CSMD1: variants seen among roughly 807,000 people sequenced by gnomAD.
CSMD1 encodes the protein CUB and sushi domain-containing protein 1.
In CSMD1, 213 loss-of-function variants were observed where a neutral mutation model predicts 417.5. The ratio of observed to expected loss-of-function variants is 0.51; its 90% CI spans 0.46 to 0.57. CSMD1 has a LOEUF of 0.57. CSMD1 is among the 20% of genes least tolerant of loss of function. The pLI, the probability that CSMD1 is intolerant of heterozygous loss-of-function variation, is 0.00. For synonymous variants in CSMD1, 2,862 were observed against 1,736.8 expected (o/e 1.65, Z -16.11); for missense variants, 6,923 against 4,529.7 (o/e 1.53, Z -15.17).
At chr8:4,097,091 G>C (rs917711594) in intron 3 of CSMD1, among the ~76,000 whole-genome samples, 5 of 152,084 alleles carry the variant, frequency 3.3e-5, no homozygotes, top group Non-Finnish European at 7.4e-5. Flanking sequence ...ACTACAAAAA[G>C]AAGCACGGCT....
intron 1 of CSMD1, among the ~76,000 whole-genome samples, chr8:4,977,429 G>C (rs1055556538): frequency 6.6e-6 from 1 of 152,152 alleles, no homozygotes; most frequent in Non-Finnish European, 1.5e-5. Context: ...TGTGTGTGAG[G>C]GGTGGGTGCA....
At chr8:4,752,928 G>A (rs1239847377) in intron 1 of CSMD1, among the ~76,000 whole-genome samples, 1 of 152,176 alleles carries the variant, frequency 6.6e-6, no homozygotes, top group East Asian at 1.9e-4. Flanking sequence ...GGGCTTCCCA[G>A]TGGCGTGATG....
intron 5 of CSMD1, among the ~76,000 whole-genome samples, chr8:3,801,393 T>C (rs1023180069): frequency 6.6e-6 from 1 of 152,082 alleles, no homozygotes; most frequent in Non-Finnish European, 1.5e-5. Context: ...AGAAATTAAA[T>C]TTAAAACCAC....
At chr8:4,958,560 T>C (rs942089302) in intron 1 of CSMD1, among the ~76,000 whole-genome samples, 1 of 152,194 alleles carries the variant, frequency 6.6e-6, no homozygotes, top group Non-Finnish European at 1.5e-5. Context: ...TTGAAATGAA[T>C]AGAAATTCTG....
chr8:4,194,680 G>A (rs1193579835), intron 3 of CSMD1, among the ~76,000 whole-genome samples: 3 of 152,070 alleles, frequency 2.0e-5, no homozygotes, highest in Non-Finnish European at 2.9e-5. Context: ...TGGGGAAAAG[G>A]ATCATACAAC....
At chr8:4,808,312 G>A (rs1001441632) in intron 1 of CSMD1, among the ~76,000 whole-genome samples, 11 of 152,148 alleles carry the variant, frequency 7.2e-5, no homozygotes, top group Non-Finnish European at 1.6e-4. Flanking sequence ...TAAAGAAAGT[G>A]TGTAAATCTA....
chr8:4,623,948 T>C (rs1489449971), intron 2 of CSMD1, among the ~76,000 whole-genome samples: 2 of 152,054 alleles, frequency 1.3e-5, no homozygotes, highest in African/African-American at 4.8e-5. Flanking sequence ...ATAAATCTCA[T>C]CCAATTTAAA....
At chr8:4,031,504 C>T (rs1284475980) in intron 4 of CSMD1, among the ~76,000 whole-genome samples, 3 of 152,106 alleles carry the variant, frequency 2.0e-5, no homozygotes, top group Non-Finnish European at 2.9e-5. Context: ...TTACCTTCTA[C>T]CAGGTTCCTC....
chr8:3,985,158 C>T (rs1417092799), intron 5 of CSMD1, among the ~76,000 whole-genome samples: 4 of 152,046 alleles, frequency 2.6e-5, no homozygotes, highest in Non-Finnish European at 5.9e-5. Context: ...TGATGGATGC[C>T]AGCTGAGCCT....
At chr8:3,973,671 T>G (rs1192392287) in intron 5 of CSMD1, among the ~76,000 whole-genome samples, 3 of 152,216 alleles carry the variant, frequency 2.0e-5, no homozygotes, top group Non-Finnish European at 2.9e-5. Context: ...CACAGTATCC[T>G]TGGTACTGGC....
chr8:3,940,052 G>A (rs1810770429), intron 5 of CSMD1, among the ~76,000 whole-genome samples: 2 of 152,098 alleles, frequency 1.3e-5, no homozygotes, highest in South Asian at 2.1e-4. Context: ...TACTGAAGAT[G>A]TGTAGATTTA....
chr8:4,819,265 C>CA (rs1799383820), intron 1 of CSMD1, among the ~76,000 whole-genome samples: 1 of 152,056 alleles, frequency 6.6e-6, no homozygotes, highest in Non-Finnish European at 1.5e-5. Context: ...TTAACAAAAA[C>CA]AAAACCTCAT....
At chr8:4,301,617 T>A (rs1797986126) in intron 3 of CSMD1, among the ~76,000 whole-genome samples, 1 of 152,230 alleles carries the variant, frequency 6.6e-6, no homozygotes, top group Admixed American at 6.5e-5. Context: ...GAACCAGTCA[T>A]CATGTCTGTG....
At chr8:3,809,364 T>G (rs1475280050) in intron 5 of CSMD1, among the ~76,000 whole-genome samples, 1 of 152,226 alleles carries the variant, frequency 6.6e-6, no homozygotes, top group Non-Finnish European at 1.5e-5. Flanking sequence ...TGTTTATCAC[T>G]GTTCTACTCA....
chr8:4,666,387 CATG>C (rs1275145048), intron 1 of CSMD1, among the ~76,000 whole-genome samples: 1 of 152,052 alleles, frequency 6.6e-6, no homozygotes, highest in Non-Finnish European at 1.5e-5. Flanking sequence ...AGTGAGTCAA[CATG>C]ATAAGGACTC....
intron 2 of CSMD1, among the ~76,000 whole-genome samples, chr8:4,547,264 T>C (rs560210088): frequency 3.3e-4 from 51 of 152,366 alleles, no homozygotes; most frequent in African/African-American, 1.2e-3. Flanking sequence ...AGTCTGGGTG[T>C]TGCCATCTTT....
At chr8:4,848,218 T>C (rs1801256336) in intron 1 of CSMD1, among the ~76,000 whole-genome samples, 1 of 152,250 alleles carries the variant, frequency 6.6e-6, no homozygotes, top group Admixed American at 6.5e-5. Flanking sequence ...TATCCTTTCA[T>C]CTAGTGATAG....
At chr8:4,800,090 A>G (rs574964293) in intron 1 of CSMD1, among the ~76,000 whole-genome samples, 2 of 152,300 alleles carry the variant, frequency 1.3e-5, no homozygotes, top group African/African-American at 4.8e-5. Context: ...TATCCTGTGT[A>G]TTTTTTATAT....
intron 1 of CSMD1, among the ~76,000 whole-genome samples, chr8:4,962,259 G>A (rs1035320472): frequency 2.0e-5 from 3 of 151,380 alleles, no homozygotes; most frequent in Non-Finnish European, 4.4e-5. Flanking sequence ...CACCCAAACT[G>A]GAGTACAGTG....
Sources: gnomAD v4.1 joint callset for allele counts (sites outside exome capture counted in the v4.1 genomes callset) on GRCh38, gnomAD v4.1.1 for gene constraint, MANE v1.5 for transcripts, NCBI Gene and HGNC (gene_info 2026-07-23, HGNC 2026-07-21) for gene names.